The following PPFIA3 variants were observed in gnomAD, a reference collection of about 807,000 sequenced individuals.
The protein encoded by PPFIA3 is liprin-alpha-3.
Under a neutral mutation model 145.8 loss-of-function variants are expected in PPFIA3, and 26 were observed. The observed-to-expected ratio is 0.18, with a 90% CI of 0.13 to 0.25. The LOEUF is 0.25. Ranked by LOEUF, PPFIA3 falls within the 10% of genes least tolerant of loss-of-function variation. The probability of loss-of-function intolerance (pLI) is 1.00; values close to 1 mark genes in which losing one functional copy is unlikely to be tolerated. For synonymous variants in PPFIA3, 645 were observed against 661.4 expected (o/e 0.98, Z 0.38); for missense variants, 1,008 against 1,587.8 (o/e 0.63, Z 6.21).
At position 49,142,792 on chromosome 19, in the gene PPFIA3, C is replaced by T. The variant is rs200577939; in HGVS notation, c.2545-12C>T. 7.2e-4 allele frequency: 1,168 copies of T among 1,612,224 alleles called. 6 individuals are homozygous for T. The African/African-American group carries it at 0.013, about 18-fold the overall frequency. On this transcript the variant is annotated splice_polypyrimidine_tract_variant and intron_variant, in intron 20 of 29. Transcript: ENST00000334186. ...CCTCTGTCCCCTCTGTCCCTCTGTCCCTCCGCTGCAGCTGTGGGTGGGCAT... is the reference window on the plus strand; with the variant it reads ...CCTCTGTCCCCTCTGTCCCTCTGTCTCTCCGCTGCAGCTGTGGGTGGGCAT...
chr19:49,142,720 C>T, intron 20 of PPFIA3, 84 bp from the exon 21 acceptor site: 80 of 993,330 alleles, frequency 8.1e-5, no homozygotes, highest in Middle Eastern at 3.4e-4. Context: ...CCTTGCCTTT[C>T]CCCACCTCCC....
At position 49,145,936 on chromosome 19, in the gene PPFIA3, C is replaced by T. The variant is rs771870616; in HGVS notation, c.2746-7C>T. ...CCCACCATCCATTAACACTCCCTGC[C>T]CCTCAGTCCACAGGAAACGTGTGGA... On this transcript the variant is annotated splice_region_variant and splice_polypyrimidine_tract_variant and intron_variant, in intron 21 of 29. Transcript: ENST00000334186. 1 of 1,613,800 alleles carries T rather than the reference C, an allele frequency of 6.2e-7. No individual in the cohort carries two copies. The highest frequency in any genetic ancestry group is 1.1e-5 in the South Asian group (1 of 91,078).
rs1600330549 is a variant in PPFIA3, at chr19:49,130,633, C to T, written c.879+34C>T. Reference sequence around the variant, plus strand: ...CCCAGGGAGGCGGGCTGCCCTGGGTCCCTCGCCTTTCCGTAGAGCTCTCCC... The same window carrying T: ...CCCAGGGAGGCGGGCTGCCCTGGGTTCCTCGCCTTTCCGTAGAGCTCTCCC... On this transcript the variant is annotated intron_variant, in intron 7 of 29. Coordinates refer to ENST00000334186, the MANE Select transcript of PPFIA3 (RefSeq NM_003660.4). The surrounding 1 kb of genome is among the most constrained non-coding windows in gnomAD (Gnocchi z 4.5). The T allele has an allele frequency of 6.6e-7, 1 of 1,522,278 alleles. No homozygotes were observed. Among genetic ancestry groups the T allele is most frequent in the Non-Finnish European group, 8.9e-7 (1 of 1,126,770 alleles). 94.3% of individuals were successfully genotyped at this position (1,522,278 alleles called of 1,614,324 possible). A position where few individuals can be genotyped will look rare whatever the true frequency, so the allele number is the denominator to read the frequency against.
chr19:49,127,186 A>G (rs1339186965), intron 1 of PPFIA3, among the ~76,000 whole-genome samples: 1 of 151,442 alleles, frequency 6.6e-6, no homozygotes, highest in Admixed American at 6.6e-5. Flanking sequence ...GTTCGAGACC[A>G]GCCTGGCCAA....
intron 15 of PPFIA3, among the ~76,000 whole-genome samples, chr19:49,137,935 C>T (rs2041161195): frequency 6.6e-6 from 1 of 152,056 alleles, no homozygotes; most frequent in South Asian, 2.1e-4. Context: ...TTTTCCAAAC[C>T]CCTTGACTAT....
rs1207775143 is a variant in PPFIA3, at chr19:49,136,784, G to A, written c.1726G>A (p.Gly576Ser). Reference sequence around the variant, plus strand: ...ACCCCCATTCCCTGGGGAACTGGACGGCTCCGATGAGGAGGAGGCAGAGGG... The same window carrying A: ...ACCCCCATTCCCTGGGGAACTGGACAGCTCCGATGAGGAGGAGGCAGAGGG... ...IPPPFPGELD[G>S]SDEEEAEGMF... The change falls in exon 15 of 30, where the codon GGC becomes AGC. Residue 576 changes from glycine (G) to serine (S), a missense_variant. Gly to Ser is a moderately conservative substitution (Grantham distance 56, BLOSUM62 0). Coordinates refer to ENST00000334186, the MANE Select transcript of PPFIA3 (RefSeq NM_003660.4). 5.0e-6 allele frequency: 8 copies of A among 1,590,286 alleles called. No homozygotes were observed. The highest frequency in any genetic ancestry group is 1.3e-5 in the African/African-American group (1 of 74,806).
chr19:49,140,809 C>T (rs927017717), intron 18 of PPFIA3, among the ~76,000 whole-genome samples: 8 of 151,844 alleles, frequency 5.3e-5, no homozygotes, highest in Non-Finnish European at 8.8e-5. Flanking sequence ...CGCCCACCAC[C>T]ACGCCCGGCT....
In PPFIA3 at chr19:49,128,499, G is replaced by A; in HGVS notation, c.342+31G>A. 1 of 1,576,684 alleles carries A rather than the reference G, an allele frequency of 6.3e-7. No homozygotes were observed. Among genetic ancestry groups the A allele is most frequent in the Non-Finnish European group, 8.7e-7 (1 of 1,149,036 alleles). On this transcript the variant is annotated intron_variant, in intron 3 of 29. Transcript: ENST00000334186. This position sits in a 1 kb window ranked among gnomAD's most constrained non-coding sequence, Gnocchi z 4.1. ...GGGTGTTGAGGGCGGGGCCTAAGTGGGGGCGGGGCCTCGTGGTGTTGAAGT... is the reference window on the plus strand; with the variant it reads ...GGGTGTTGAGGGCGGGGCCTAAGTGAGGGCGGGGCCTCGTGGTGTTGAAGT...
In PPFIA3 at chr19:49,149,791, G is replaced by A; in HGVS notation, c.3526+73G>A. ...GGGCATGGACCACCTCAGTAGTCCG[G>A]GTTCTGGAATGGCCTAGTCCTTTCT... On this transcript the variant is annotated intron_variant, in intron 28 of 29. Coordinates refer to ENST00000334186, the MANE Select transcript of PPFIA3 (RefSeq NM_003660.4). The surrounding 1 kb of genome is among the most constrained non-coding windows in gnomAD (Gnocchi z 5.7). 1.3e-6 allele frequency: 2 copies of A among 1,513,348 alleles called. No homozygotes were observed. Among genetic ancestry groups the A allele is most frequent in the Non-Finnish European group, 1.8e-6 (2 of 1,129,886 alleles). The allele number at this position is 1,513,348 out of a possible 1,614,324, so 93.7% of individuals were successfully genotyped here. A position where few individuals can be genotyped will look rare whatever the true frequency, so the allele number is the denominator to read the frequency against.
chr19:49,134,690 C>A lies in PPFIA3; in HGVS notation c.1429C>A (p.Leu477Met). 1 of 1,614,000 alleles carries A rather than the reference C, an allele frequency of 6.2e-7. No homozygotes were observed. Among genetic ancestry groups the A allele is most frequent in the East Asian group, 2.2e-5 (1 of 44,888 alleles). Residue 477 changes from leucine to methionine, a missense_variant, in exon 12 of 30, where the codon CTG becomes ATG. Around this residue, in one of 11 missense-constraint regions of PPFIA3, gnomAD observed 21 missense variants for 46.4 expected, o/e 0.45. Coordinates refer to ENST00000334186, the MANE Select transcript of PPFIA3 (RefSeq NM_003660.4). ...CATGAAGAAGCTTCAGGATGAGTTGCTGCTAAACAAGGTAGGGGGCCCTGA... is the reference window on the plus strand; with the variant it reads ...CATGAAGAAGCTTCAGGATGAGTTGATGCTAAACAAGGTAGGGGGCCCTGA... ...ANMKKLQDEL[L>M]LNKEQLLAEM... is the part of the protein sequence containing the mutation.
At chr19:49,121,313 T>G (rs2040934086) in intron 1 of PPFIA3, among the ~76,000 whole-genome samples, 1 of 152,048 alleles carries the variant, frequency 6.6e-6, no homozygotes, top group East Asian at 1.9e-4. Context: ...TTCTTTCTAT[T>G]TATTTATTTA....
rs763451397 is a variant in PPFIA3, at chr19:49,139,990, C to T, written c.2270C>T (p.Ala757Val). The change falls in exon 18 of 30, where the codon GCC (alanine) becomes GTC (valine). Residue 757 changes from alanine (A) to valine (V), a missense_variant. Around this residue, in one of 11 missense-constraint regions of PPFIA3, gnomAD observed 202 missense variants for 241.8 expected, o/e 0.84. Coordinates refer to ENST00000334186, the MANE Select transcript of PPFIA3 (RefSeq NM_003660.4). ...SEGTPDSLHK[A>V]PKKKSIKSSI... ...GGCACCCCAGATTCTCTGCACAAAGCCCCCAAGAAGAAGAGCATCAAGTCA... is the reference window on the plus strand; with the variant it reads ...GGCACCCCAGATTCTCTGCACAAAGTCCCCAAGAAGAAGAGCATCAAGTCA... The T allele has an allele frequency of 1.2e-6, 2 of 1,614,148 alleles. No individual in the cohort carries two copies. The highest frequency in any genetic ancestry group is 1.7e-5 in the Admixed American group (1 of 60,014).
chr19:49,131,335 A>ATT (rs10553520), intron 7 of PPFIA3, among the ~76,000 whole-genome samples: 4 of 108,444 alleles, frequency 3.7e-5, no homozygotes, highest in Admixed American at 9.9e-5. Flanking sequence ...CACCTGGCTA[A>ATT]TTTTTTTTTT....
intron 5 of PPFIA3, 127 bp downstream of exon 5, chr19:49,129,581 A>G (rs926400306): frequency 7.8e-6 from 8 of 1,019,550 alleles, no homozygotes; most frequent in Non-Finnish European, 1.2e-5. Flanking sequence ...CAGACAAGCT[A>G]TGGGGTTGGA....
intron 1 of PPFIA3, among the ~76,000 whole-genome samples, chr19:49,120,000 G>A (rs1423270101): frequency 6.6e-6 from 1 of 151,930 alleles, no homozygotes; most frequent in African/African-American, 2.4e-5. Flanking sequence ...CTAGAGCCTA[G>A]ATCCCCCTTC....
At position 49,141,601 on chromosome 19, in the gene PPFIA3, A is replaced by AGTGT. The variant is rs147872140; in HGVS notation, c.2462+100_2462+103dup. The AGTGT allele has an allele frequency of 8.2e-3, 6,712 of 821,944 alleles. 153 individuals are homozygous for AGTGT. Among genetic ancestry groups the AGTGT allele is most frequent in the African/African-American group, 0.073 (3,994 of 54,612 alleles). 50.9% of individuals were successfully genotyped at this position (821,944 alleles called of 1,614,324 possible). A position where few individuals can be genotyped will look rare whatever the true frequency, so the allele number is the denominator to read the frequency against. On this transcript the variant is annotated intron_variant, in intron 19 of 29. Transcript: ENST00000334186. ...GTGTGTGCGTGTATGTGTGTGTATG[A>AGTGT]GTGTGTGTGTGTGTGAGAGGGTGTG... is the stretch of plus-strand genomic sequence containing the variant.
chr19:49,145,363 T>G (rs559550214), intron 21 of PPFIA3, among the ~76,000 whole-genome samples: 60 of 152,308 alleles, frequency 3.9e-4, no homozygotes, highest in Admixed American at 2.2e-3. Flanking sequence ...GTTAATTTCA[T>G]TTACTATTCA....
chr19:49,149,513 A>G lies in PPFIA3; in HGVS notation c.3355-34A>G. On this transcript the variant is annotated intron_variant, in intron 27 of 29. Transcript: ENST00000334186. This position sits in a 1 kb window ranked among gnomAD's most constrained non-coding sequence, Gnocchi z 5.7. ...AAGGGGCGGAGTCAGACAAGGCAGG[A>G]GTCCCTCACCGGCTGTCCGGCTCCT... is the stretch of plus-strand genomic sequence containing the variant. 1 of 1,613,298 alleles carries G rather than the reference A, an allele frequency of 6.2e-7. No homozygotes were observed. Among genetic ancestry groups the G allele is most frequent in the Non-Finnish European group, 8.5e-7 (1 of 1,179,524 alleles).
At chr19:49,129,932 G>T in intron 5 of PPFIA3, 61 bp from the exon 6 acceptor site, 1 of 1,570,236 alleles carries the variant, frequency 6.4e-7, no homozygotes, top group South Asian at 1.1e-5. Context: ...CAATGCCAGT[G>T]AGAACTAGAG....
Sources: gnomAD v4.1 joint callset for allele counts (sites outside exome capture counted in the v4.1 genomes callset) on GRCh38, gnomAD v4.1.1 for gene constraint, gnomAD v4.1.1 regional missense constraint, Gnocchi (gnomAD v3.1) non-coding constraint, MANE v1.5 for transcripts, NCBI Gene and HGNC (gene_info 2026-07-23, HGNC 2026-07-21) for gene names.